Variants in LOC400499 observed in about 807,000 individuals in gnomAD.
At chr16:11,372,810 A>G in the LOC400499 span, 1 of 661,670 alleles carries the variant, frequency 1.5e-6, no homozygotes, top group Non-Finnish European at 1.9e-6. Context: ...GTTTCCTGAA[A>G]TAAATTATGC....
At chr16:11,422,190 C>T in the LOC400499 span, among the ~76,000 whole-genome samples, 1 of 152,222 alleles carries the variant, frequency 6.6e-6, no homozygotes, top group African/African-American at 2.4e-5. Flanking sequence ...CACTTGAGGT[C>T]AGGAGTTCAA....
At chr16:11,491,982 G>C in the LOC400499 span, 6 of 394,174 alleles carry the variant, frequency 1.5e-5, no homozygotes, top group Non-Finnish European at 2.7e-5. Context: ...AGGCTTCCCC[G>C]ACACACACTC....
chr16:11,515,577 G>A, the LOC400499 span, among the ~76,000 whole-genome samples: 2 of 151,418 alleles, frequency 1.3e-5, no homozygotes, highest in Non-Finnish European at 2.9e-5. Context: ...GGAGAAGGGA[G>A]GGGAAGGGGA....
the LOC400499 span, among the ~76,000 whole-genome samples, chr16:11,494,420 G>C: frequency 6.6e-6 from 1 of 151,760 alleles, no homozygotes; most frequent in Non-Finnish European, 1.5e-5. Context: ...AGGAGGGTGA[G>C]GAGACGGGTT....
chr16:11,388,698 G>C, the LOC400499 span, among the ~76,000 whole-genome samples: 1 of 152,174 alleles, frequency 6.6e-6, no homozygotes, highest in South Asian at 2.1e-4. Context: ...GCAGAAGCCA[G>C]AGACCAGCTG....
the LOC400499 span, chr16:11,411,321 C>T: frequency 1.8e-5 from 7 of 399,242 alleles, no homozygotes; most frequent in Admixed American, 8.8e-5. Context: ...AGAACAGCAG[C>T]TCTTTGCTAG....
the LOC400499 span, among the ~76,000 whole-genome samples, chr16:11,478,908 G>A: frequency 1.3e-5 from 2 of 152,122 alleles, no homozygotes; most frequent in African/African-American, 4.8e-5. Flanking sequence ...TTAAAAATGG[G>A]GGTTTCTCTG....
At chr16:11,420,497 T>C in the LOC400499 span, among the ~76,000 whole-genome samples, 1 of 147,928 alleles carries the variant, frequency 6.8e-6, no homozygotes, top group Non-Finnish European at 1.5e-5. Context: ...TAATGCTAAA[T>C]GACGAGTTAA....
chr16:11,454,439 C>G, the LOC400499 span, among the ~76,000 whole-genome samples: 298 of 152,238 alleles, frequency 2.0e-3, no homozygotes, highest in African/African-American at 6.9e-3. Context: ...TGCCCTTAAC[C>G]CAATAGAACT....
At chr16:11,390,554 G>A in the LOC400499 span, 3 of 1,034,576 alleles carry the variant, frequency 2.9e-6, no homozygotes, top group Non-Finnish European at 2.5e-6. Flanking sequence ...AGGAGATAGG[G>A]CCTGTTCCTG....
At chr16:11,455,741 GAAAAAAA>G in the LOC400499 span, among the ~76,000 whole-genome samples, 7 of 131,754 alleles carry the variant, frequency 5.3e-5, no homozygotes, top group South Asian at 7.3e-4. Context: ...TCTCAAAAAA[GAAAAAAA>G]AAAAAAAAGA....
At chr16:11,418,973 C>G in the LOC400499 span, among the ~76,000 whole-genome samples, 1 of 152,176 alleles carries the variant, frequency 6.6e-6, no homozygotes, top group Non-Finnish European at 1.5e-5. Context: ...TGAGACCATC[C>G]TGGCCAACAA....
the LOC400499 span, among the ~76,000 whole-genome samples, chr16:11,453,048 C>A: frequency 6.6e-6 from 1 of 152,108 alleles, no homozygotes; most frequent in African/African-American, 2.4e-5. Flanking sequence ...ATCCTTTTTA[C>A]GGCAGCCTTA....
chr16:11,460,681 G>C, the LOC400499 span: 1 of 1,464,108 alleles, frequency 6.8e-7, no homozygotes, highest in Non-Finnish European at 9.0e-7. Context: ...CCAAGAGAAG[G>C]AGGGCCCGGC....
chr16:11,519,814 T>G, the LOC400499 span, among the ~76,000 whole-genome samples: 1 of 151,822 alleles, frequency 6.6e-6, no homozygotes, highest in Non-Finnish European at 1.5e-5. Flanking sequence ...CAAGCCATTC[T>G]CCTGCCTCAG....
At chr16:11,490,295 C>T in the LOC400499 span, among the ~76,000 whole-genome samples, 9 of 150,064 alleles carry the variant, frequency 6.0e-5, no homozygotes, top group Non-Finnish European at 1.2e-4. Flanking sequence ...ACTCAAGAGG[C>T]TGAGTCAGGG....
the LOC400499 span, among the ~76,000 whole-genome samples, chr16:11,486,051 G>A: frequency 5.9e-5 from 9 of 151,756 alleles, no homozygotes; most frequent in African/African-American, 2.2e-4. Context: ...TGAGTGAATA[G>A]ATGGATGGAT....
the LOC400499 span, among the ~76,000 whole-genome samples, chr16:11,496,599 G>T: frequency 1.3e-5 from 2 of 152,142 alleles, no homozygotes; most frequent in African/African-American, 4.8e-5. Context: ...GGATGCCTGT[G>T]CACACGTGTC....
At chr16:11,381,615 G>A in the LOC400499 span, among the ~76,000 whole-genome samples, 6 of 152,146 alleles carry the variant, frequency 3.9e-5, no homozygotes, top group African/African-American at 1.2e-4. Flanking sequence ...AATGAACGTC[G>A]GTGGATCCCT....
Sources: gnomAD v4.1 joint callset for allele counts (sites outside exome capture counted in the v4.1 genomes callset) on GRCh38, gnomAD v4.1.1 for gene constraint, MANE v1.5 for transcripts.